The following CENPW variants were observed in gnomAD, a reference collection of about 807,000 sequenced individuals.
CENPW encodes the protein cancer-up-regulated gene 2 protein.
A neutral mutation model predicts 11.1 loss-of-function variants in CENPW; 3 were observed. That is an observed-to-expected ratio of 0.27 (90% CI 0.12 to 0.70). The LOEUF is 0.70. Among genes scored for constraint, CENPW ranks in the 30% least tolerant of loss-of-function variants. The pLI is 0.77. For missense variants in CENPW, 100 were observed against 105.6 expected, an observed-to-expected ratio of 0.95 and a Z score of 0.23; for synonymous variants, 38 against 42.0, an observed-to-expected ratio of 0.91 and a Z score of 0.37.
the CENPW span, among the ~76,000 whole-genome samples, chr6:126,391,306 T>G: frequency 3.3e-5 from 5 of 152,010 alleles, no homozygotes; most frequent in Admixed American, 2.0e-4. Flanking sequence ...CCTCATTTTC[T>G]AATCAGATTA....
chr6:126,446,364 C>A, the CENPW span, among the ~76,000 whole-genome samples: 6 of 148,774 alleles, frequency 4.0e-5, no homozygotes, highest in East Asian at 2.0e-4. Context: ...CTGGCCCCCC[C>A]ACAAGAAAAA....
the CENPW span, among the ~76,000 whole-genome samples, chr6:126,432,978 T>G: frequency 6.6e-6 from 1 of 151,960 alleles, no homozygotes; most frequent in Non-Finnish European, 1.5e-5. Context: ...GGGGAAGGAG[T>G]GGCAAGAGAA....
the CENPW span, among the ~76,000 whole-genome samples, chr6:126,456,768 C>T: frequency 1.3e-5 from 2 of 151,612 alleles, no homozygotes; most frequent in African/African-American, 4.8e-5. Context: ...AACACACAAC[C>T]TACAGAATGG....
chr6:126,401,758 ATCT>A, the CENPW span, among the ~76,000 whole-genome samples: 1,500 of 152,088 alleles, frequency 9.9e-3, 20 homozygotes, highest in African/African-American at 0.035. Flanking sequence ...CACAAAGGAA[ATCT>A]TCTCTTTATC....
the CENPW span, among the ~76,000 whole-genome samples, chr6:126,400,367 C>T: frequency 6.6e-6 from 1 of 152,096 alleles, no homozygotes; most frequent in Admixed American, 6.6e-5. Flanking sequence ...TTTGCGAGTT[C>T]TCTATTCAAG....
At chr6:126,383,551 A>G in the CENPW span, among the ~76,000 whole-genome samples, 1 of 152,130 alleles carries the variant, frequency 6.6e-6, no homozygotes, top group Non-Finnish European at 1.5e-5. Flanking sequence ...AGTGACATCC[A>G]TAGGCTCAAA....
chr6:126,387,777 T>C, the CENPW span, among the ~76,000 whole-genome samples: 1 of 151,928 alleles, frequency 6.6e-6, no homozygotes, highest in Non-Finnish European at 1.5e-5. Flanking sequence ...AATCAGAGGA[T>C]AGACTTGATC....
the CENPW span, among the ~76,000 whole-genome samples, chr6:126,358,974 CT>C: frequency 9.8e-4 from 144 of 146,250 alleles, no homozygotes; most frequent in South Asian, 3.0e-3. Flanking sequence ...GTTGGTTTCA[CT>C]TTTTTTTTTT....
chr6:126,380,929 G>A, the CENPW span, among the ~76,000 whole-genome samples: 2 of 152,160 alleles, frequency 1.3e-5, no homozygotes, highest in Non-Finnish European at 2.9e-5. Context: ...TCTCCTAGGC[G>A]TGTGTTTGTA....
At chr6:126,415,965 G>C in the CENPW span, among the ~76,000 whole-genome samples, 1 of 152,190 alleles carries the variant, frequency 6.6e-6, no homozygotes, top group Admixed American at 6.5e-5. Flanking sequence ...AGCAACTTTG[G>C]AACTGGGTAA....
the CENPW span, among the ~76,000 whole-genome samples, chr6:126,392,311 C>T: frequency 1.3e-5 from 2 of 151,642 alleles, no homozygotes; most frequent in East Asian, 3.9e-4. Flanking sequence ...ATTTCTGTTT[C>T]AAATTGTTTG....
the CENPW span, among the ~76,000 whole-genome samples, chr6:126,398,463 G>T: frequency 3.9e-5 from 6 of 151,980 alleles, no homozygotes; most frequent in Non-Finnish European, 7.4e-5. Context: ...AAAATATAAG[G>T]ATGCACAAGT....
At chr6:126,458,839 A>G in the CENPW span, among the ~76,000 whole-genome samples, 2 of 151,398 alleles carry the variant, frequency 1.3e-5, no homozygotes, top group Admixed American at 6.6e-5. Flanking sequence ...GAATAATAAT[A>G]AAATGTACCT....
At chr6:126,383,133 TGAA>T in the CENPW span, among the ~76,000 whole-genome samples, 1 of 152,048 alleles carries the variant, frequency 6.6e-6, no homozygotes, top group East Asian at 1.9e-4. Flanking sequence ...ATTGATAAAA[TGAA>T]GAGAAATTCC....
the CENPW span, among the ~76,000 whole-genome samples, chr6:126,411,372 T>C: frequency 4.5e-4 from 68 of 152,154 alleles, no homozygotes; most frequent in African/African-American, 1.3e-3. Flanking sequence ...TTTCCCCACA[T>C]TGGGGAGACC....
rs761648546 is a variant in CENPW, at chr6:126,348,527, A to C, written c.*35A>C. 1 of 1,330,926 alleles carries C rather than the reference A, an allele frequency of 7.5e-7. No homozygotes were observed. Among genetic ancestry groups the C allele is most frequent in the South Asian group, 1.2e-5 (1 of 83,528 alleles). The allele number at this position is 1,330,926 out of a possible 1,614,324, so 82.4% of individuals were successfully genotyped here. A position where few individuals can be genotyped will look rare whatever the true frequency, so the allele number is the denominator to read the frequency against. On this transcript the variant is annotated 3_prime_UTR_variant, in exon 3 of 3. Transcript: ENST00000368328. ...AACATATTCTTGAAAGTTATGATGC[A>C]TTCTTTTGGGTGGTAACAGATCATA...
At chr6:126,425,813 C>A in the CENPW span, among the ~76,000 whole-genome samples, 11 of 150,530 alleles carry the variant, frequency 7.3e-5, 1 homozygote, top group South Asian at 4.2e-4. Context: ...AAAAAAAAAA[C>A]CCTCAAGTTT....
chr6:126,378,540 C>G, the CENPW span, among the ~76,000 whole-genome samples: 1 of 151,852 alleles, frequency 6.6e-6, no homozygotes, highest in African/African-American at 2.4e-5. Context: ...CGTGAGCACT[C>G]TATCCCCAAA....
At chr6:126,360,779 G>A in the CENPW span, among the ~76,000 whole-genome samples, 1 of 151,844 alleles carries the variant, frequency 6.6e-6, no homozygotes, top group Non-Finnish European at 1.5e-5. Context: ...AGGTCAGTTT[G>A]TTTCTTTCTT....
Sources: gnomAD v4.1 joint callset for allele counts (sites outside exome capture counted in the v4.1 genomes callset) on GRCh38, gnomAD v4.1.1 for gene constraint, MANE v1.5 for transcripts, NCBI Gene and HGNC (gene_info 2026-07-23, HGNC 2026-07-21) for gene names.